Variants in LRRIQ3 observed in about 807,000 individuals in gnomAD.
The protein encoded by LRRIQ3 is leucine rich repeats and IQ motif containing 3.
LRRIQ3 carries 75 observed loss-of-function variants against 59.3 expected under a neutral mutation model. The ratio of observed to expected loss-of-function variants is 1.26; its 90% confidence interval spans 1.05 to 1.53. The LOEUF (loss-of-function observed/expected upper bound fraction) is 1.53. Among genes scored for constraint, LRRIQ3 ranks in the 40% most tolerant of loss-of-function variants. LRRIQ3 has a pLI of 0.00. For missense variants in LRRIQ3, 831 were observed against 710.0 expected (o/e 1.17, Z -1.94); for synonymous variants, 250 against 231.3 (o/e 1.08, Z -0.73).
intron 4 of LRRIQ3, among the ~76,000 whole-genome samples, chr1:74,118,310 G>T (rs1460686946): frequency 6.6e-6 from 1 of 151,482 alleles, no homozygotes; most frequent in Non-Finnish European, 1.5e-5. Context: ...CTTGTTTTTT[G>T]CAAAAAAAGA....
chr1:74,088,810 ATAAATG>A (rs947038707), intron 5 of LRRIQ3, among the ~76,000 whole-genome samples: 6 of 152,024 alleles, frequency 3.9e-5, no homozygotes, highest in African/African-American at 1.4e-4. Flanking sequence ...AGAAAAAAAT[ATAAATG>A]TAAGTTTACC....
At chr1:74,094,056 T>C (rs1451704609) in intron 5 of LRRIQ3, among the ~76,000 whole-genome samples, 3 of 152,058 alleles carry the variant, frequency 2.0e-5, no homozygotes, top group Non-Finnish European at 4.4e-5. Flanking sequence ...GTTACTGGCT[T>C]GCCGATGACA....
chr1:74,092,238 T>G (rs1570098931), intron 5 of LRRIQ3, among the ~76,000 whole-genome samples: 1 of 152,126 alleles, frequency 6.6e-6, no homozygotes. Context: ...CACTAAGTAC[T>G]GAGTGAAATA....
chr1:74,167,598 G>A (rs528704993), intron 3 of LRRIQ3, among the ~76,000 whole-genome samples: 14 of 151,566 alleles, frequency 9.2e-5, no homozygotes, highest in Non-Finnish European at 1.6e-4. Flanking sequence ...GGACTTTGGG[G>A]ACTTGGGGAA....
Position 74,182,764 on chromosome 1 carries a change from CAT to C in LRRIQ3, c.345_346del (p.Ile115MetfsTer16), listed in dbSNP as rs778871741. On this transcript the variant is annotated frameshift_variant, in exon 3 of 8. Coordinates refer to ENST00000354431, the MANE Select transcript of LRRIQ3 (RefSeq NM_001105659.2). LOFTEE classifies it high-confidence loss of function. The stretch of plus-strand genomic sequence containing the variant: ...GAGGGTTGGACAGGCAGATAATACA[CAT>C]ATATTCTTTAACTTTGCAAACCCAT... 39 of 1,611,212 alleles carry C rather than the reference CAT, an allele frequency of 2.4e-5. No individual in the cohort carries two copies. The African/African-American group carries it at 4.3e-4, about 18-fold the overall frequency.
chr1:74,129,507 G>A (rs1348070982), intron 4 of LRRIQ3, among the ~76,000 whole-genome samples: 4 of 152,040 alleles, frequency 2.6e-5, no homozygotes, highest in Non-Finnish European at 4.4e-5. Flanking sequence ...GGACCAGAGA[G>A]GGTACAGCAA....
intron 5 of LRRIQ3, among the ~76,000 whole-genome samples, chr1:74,103,251 T>C (rs78343359): frequency 0.015 from 2,208 of 152,100 alleles, 55 homozygotes; most frequent in African/African-American, 0.051. Flanking sequence ...TTTCTAGCTC[T>C]TCCCCATCCC....
chr1:74,073,591 A>T (rs1184869721), intron 6 of LRRIQ3, among the ~76,000 whole-genome samples: 1 of 143,590 alleles, frequency 7.0e-6, no homozygotes, highest in Non-Finnish European at 1.5e-5. Flanking sequence ...CCTTCAACAC[A>T]GTTGAACAGT....
intron 7 of LRRIQ3, among the ~76,000 whole-genome samples, chr1:74,038,601 A>C (rs1053973344): frequency 6.6e-6 from 1 of 152,168 alleles, no homozygotes; most frequent in Non-Finnish European, 1.5e-5. Context: ...AGATCCCAAA[A>C]GAAGAAGCAG....
intron 5 of LRRIQ3, among the ~76,000 whole-genome samples, chr1:74,093,393 T>C (rs1056435001): frequency 5.3e-5 from 8 of 152,120 alleles, no homozygotes; most frequent in African/African-American, 1.7e-4. Context: ...GTAACTGCTA[T>C]GGGGGCAGAA....
intron 3 of LRRIQ3, among the ~76,000 whole-genome samples, chr1:74,175,701 T>C (rs1410221390): frequency 6.6e-6 from 1 of 152,320 alleles, no homozygotes; most frequent in African/African-American, 2.4e-5. Flanking sequence ...AAATTGGTGC[T>C]TCTGAGGGAG....
In LRRIQ3 at chr1:74,041,277, C is replaced by T; in HGVS notation, c.1654G>A (p.Val552Ile). The T allele has an allele frequency of 6.2e-7, 1 of 1,604,108 alleles. No homozygotes were observed. Among genetic ancestry groups the T allele is most frequent in the Non-Finnish European group, 8.5e-7 (1 of 1,177,558 alleles). ...EAVLKEKSLI[V>I]KQKLKAEKYR... The stretch of plus-strand genomic sequence containing the variant: ...TTTTCTGCTTTTAGTTTTTGCTTAA[C>T]AATCAGGCTTTTCTCTTTTAGGACA... Residue 552 changes from valine (V) to isoleucine (I), a missense_variant, in exon 7 of 8, where the codon GTT becomes ATT. Transcript: ENST00000354431.
At chr1:74,086,648 C>A (rs1646330535) in intron 5 of LRRIQ3, among the ~76,000 whole-genome samples, 1 of 151,982 alleles carries the variant, frequency 6.6e-6, no homozygotes, top group Non-Finnish European at 1.5e-5. Context: ...AGGCTAAAAG[C>A]TCTAAAAGTT....
chr1:74,075,052 T>C (rs1452436642), intron 5 of LRRIQ3, among the ~76,000 whole-genome samples: 2 of 151,838 alleles, frequency 1.3e-5, no homozygotes, highest in Non-Finnish European at 2.9e-5. Flanking sequence ...GCCAGGAAAG[T>C]GCTGTGACAA....
At chr1:74,149,435 C>T (rs972464944) in intron 4 of LRRIQ3, among the ~76,000 whole-genome samples, 1 of 152,106 alleles carries the variant, frequency 6.6e-6, no homozygotes, top group African/African-American at 2.4e-5. Context: ...TTTCATATCA[C>T]ATAAAAAATT....
chr1:74,141,990 C>T (rs1024308795), intron 4 of LRRIQ3, among the ~76,000 whole-genome samples: 1 of 145,118 alleles, frequency 6.9e-6, no homozygotes, highest in African/African-American at 2.8e-5. Context: ...TATACACACA[C>T]ACACACACAC....
At chr1:74,163,399 T>A (rs1236884298) in intron 3 of LRRIQ3, among the ~76,000 whole-genome samples, 1 of 151,636 alleles carries the variant, frequency 6.6e-6, no homozygotes, top group Non-Finnish European at 1.5e-5. Flanking sequence ...ACAAGATGGC[T>A]GTGTTTTATT....
At chr1:74,120,355 A>T (rs1646837027) in intron 4 of LRRIQ3, among the ~76,000 whole-genome samples, 1 of 151,920 alleles carries the variant, frequency 6.6e-6, no homozygotes, top group African/African-American at 2.4e-5. Flanking sequence ...TGACCTTGTG[A>T]TCCGCCCACC....
chr1:74,066,519 C>T (rs1249349447), intron 6 of LRRIQ3, among the ~76,000 whole-genome samples: 4 of 134,146 alleles, frequency 3.0e-5, no homozygotes, highest in African/African-American at 1.0e-4. Flanking sequence ...CTAATAACAA[C>T]AATAACAGCA....
Sources: allele counts gnomAD v4.1 joint callset (sites outside exome capture counted in the v4.1 genomes callset), GRCh38; gene constraint gnomAD v4.1.1; transcripts MANE v1.5; gene names NCBI Gene and HGNC (gene_info 2026-07-23, HGNC 2026-07-21).